Variants in IBTK observed in about 807,000 individuals in gnomAD.
The protein encoded by IBTK is BTK-binding protein.
Under a neutral mutation model 154.9 loss-of-function variants are expected in IBTK, and 83 were observed. The ratio of observed to expected loss-of-function variants is 0.54; its 90% CI spans 0.45 to 0.64. The LOEUF is 0.64. Ranked by LOEUF, IBTK falls within the 30% of genes least tolerant of loss-of-function variation. The probability of loss-of-function intolerance (pLI) is 0.00; values close to 1 mark genes in which losing one functional copy is unlikely to be tolerated. For synonymous variants in IBTK, 515 were observed against 536.1 expected, an observed-to-expected ratio of 0.96 and a Z score of 0.54; for missense variants, 1,332 against 1,584.6, an observed-to-expected ratio of 0.84 and a Z score of 2.71.
chr6:82,214,318 A>G lies in IBTK; in HGVS notation c.2113T>C (p.Cys705Arg). The G allele has an allele frequency of 1.2e-6, 2 of 1,613,926 alleles. No individual in the cohort carries two copies. Among genetic ancestry groups the G allele is most frequent in the Non-Finnish European group, 1.7e-6 (2 of 1,179,964 alleles). The change falls in exon 12 of 29, where the codon TGT becomes CGT. Residue 705 changes from cysteine (C) to arginine (R), a missense_variant. By Grantham distance (180) the Cys-to-Arg change is radical. Coordinates refer to ENST00000306270, the MANE Select transcript of IBTK (RefSeq NM_015525.4). ...TCCCTAATATTTTTTCCTTTTTTAC[A>G]AGATTTAGGTTTGCTCTTCTGCCTC... ...SERQKSKPKS[C>R]KKGKNIREDD...
At chr6:82,216,335 G>T in intron 10 of IBTK, 85 bp from the exon 11 acceptor site, 3 of 860,196 alleles carry the variant, frequency 3.5e-6, no homozygotes, top group Non-Finnish European at 5.3e-6. Flanking sequence ...TAGAAAAGGA[G>T]TTAGAAAAAT....
chr6:82,239,125 G>A (rs1322679890), intron 2 of IBTK, among the ~76,000 whole-genome samples: 4 of 151,938 alleles, frequency 2.6e-5, no homozygotes, highest in Non-Finnish European at 5.9e-5. Flanking sequence ...CCTAAATAAT[G>A]TTCAACAACT....
intron 16 of IBTK, among the ~76,000 whole-genome samples, chr6:82,206,430 A>C (rs1769415538): frequency 6.6e-6 from 1 of 152,206 alleles, no homozygotes; most frequent in African/African-American, 2.4e-5. Context: ...ATTAGTGATC[A>C]AAAAACTTCC....
chr6:82,201,479 A>C lies in IBTK; in HGVS notation c.2733T>G (p.Ser911=). The C allele has an allele frequency of 1.2e-6, 2 of 1,601,652 alleles. No individual in the cohort carries two copies. The highest frequency in any genetic ancestry group is 1.3e-5 in the African/African-American group (1 of 74,650). Residue 911 remains serine (S), a synonymous_variant, in exon 19 of 29, where the codon TCT becomes TCG. Coordinates refer to ENST00000306270, the MANE Select transcript of IBTK (RefSeq NM_015525.4). ...AAACACCATCGCTTAAAACATCAAGAGACCTAAAATATAGGATACAAAATT... is the reference window on the plus strand; with the variant it reads ...AAACACCATCGCTTAAAACATCAAGCGACCTAAAATATAGGATACAAAATT... ...LNMAALLEAR[S]LDVLSDGVLK...
rs140177088 is a variant in IBTK, at chr6:82,180,730, A to T, written c.3725+1149T>A. Among the ~76,000 whole-genome samples, 12 of 152,354 alleles carry T rather than the reference A, an allele frequency of 7.9e-5. No individual in the cohort carries two copies. The East Asian group carries it at 2.1e-3, about 27-fold the overall frequency. On this transcript the variant is annotated intron_variant, in intron 26 of 28. Transcript: ENST00000306270. Reference sequence around the variant, plus strand: ...GACAGTCACAATAGTAACAATAAAAATATGCCTAAACATTTAATCTAAATC... The same window carrying T: ...GACAGTCACAATAGTAACAATAAAATTATGCCTAAACATTTAATCTAAATC...
chr6:82,176,682 T>C (rs1490451983), intron 26 of IBTK, among the ~76,000 whole-genome samples: 1 of 152,142 alleles, frequency 6.6e-6, no homozygotes. Flanking sequence ...TTGCTCACTT[T>C]TAGATGTTAA....
At chr6:82,225,265 G>A (rs1328316267) in intron 6 of IBTK, among the ~76,000 whole-genome samples, 2 of 151,826 alleles carry the variant, frequency 1.3e-5, no homozygotes, top group East Asian at 3.9e-4. Context: ...AGCTGAGATC[G>A]CACCACTGCA....
At chr6:82,218,484 G>C (rs1393530073) in intron 9 of IBTK, among the ~76,000 whole-genome samples, 1 of 152,136 alleles carries the variant, frequency 6.6e-6, no homozygotes, top group Non-Finnish European at 1.5e-5. Flanking sequence ...TACAAGTCAG[G>C]CTTCTTGTAG....
Position 82,214,789 on chromosome 6 carries a change from C to G in IBTK, c.1642G>C (p.Glu548Gln). The change falls in exon 12 of 29, where the codon GAA (glutamate) becomes CAA (glutamine). Residue 548 changes from glutamate to glutamine, a missense_variant. Physicochemically the swap from Glu to Gln is conservative, Grantham distance 29 (BLOSUM62 2). Around this residue, in one of 3 missense-constraint regions of IBTK, gnomAD observed 1,134 missense variants for 1,274.7 expected, o/e 0.89. Coordinates refer to ENST00000306270, the MANE Select transcript of IBTK (RefSeq NM_015525.4). ...TCCCTCAACAGTTTGCCAAACTCTT[C>G]AAAAAAGGATGATGAGGACACAGCT... ...IPAVSSSSFFEEFGKLLREAD... is the reference protein window; with the variant it reads ...IPAVSSSSFFQEFGKLLREAD... The G allele has an allele frequency of 6.2e-7, 1 of 1,602,844 alleles. No homozygotes were observed. The highest frequency in any genetic ancestry group is 2.2e-5 in the East Asian group (1 of 44,792).
chr6:82,239,066 CGT>C (rs1332196133), intron 2 of IBTK, among the ~76,000 whole-genome samples: 1 of 151,896 alleles, frequency 6.6e-6, no homozygotes. Context: ...TTATAAACAC[CGT>C]ATGTTAACTA....
chr6:82,219,043 G>C (rs1769974345), intron 9 of IBTK, among the ~76,000 whole-genome samples: 1 of 151,776 alleles, frequency 6.6e-6, no homozygotes, highest in African/African-American at 2.4e-5. Flanking sequence ...TCAAATATAA[G>C]TTTTTATACT....
chr6:82,222,753 T>C (rs1040044611), intron 8 of IBTK, among the ~76,000 whole-genome samples: 1 of 152,096 alleles, frequency 6.6e-6, no homozygotes, highest in Non-Finnish European at 1.5e-5. Flanking sequence ...TTCCAGTTGG[T>C]GCACCCACCC....
intron 11 of IBTK, among the ~76,000 whole-genome samples, chr6:82,215,163 C>T (rs1213983773): frequency 6.6e-6 from 1 of 152,176 alleles, no homozygotes; most frequent in Non-Finnish European, 1.5e-5. Context: ...GGAAGACCAA[C>T]CCTCCTGTGG....
intron 16 of IBTK, among the ~76,000 whole-genome samples, chr6:82,206,867 T>C (rs1464173537): frequency 1.3e-5 from 2 of 152,084 alleles, no homozygotes; most frequent in East Asian, 3.9e-4. Flanking sequence ...GAAAAACATT[T>C]GACAAAAATC....
intron 12 of IBTK, among the ~76,000 whole-genome samples, chr6:82,213,390 G>A (rs778561424): frequency 4.6e-5 from 7 of 151,902 alleles, no homozygotes; most frequent in Non-Finnish European, 8.8e-5. Context: ...ACCCTACAAC[G>A]AAGGTTTAAC....
At chr6:82,191,392 C>T (rs1489414121) in intron 24 of IBTK, 176 bp from the exon 25 acceptor site, 2 of 608,156 alleles carry the variant, frequency 3.3e-6, no homozygotes, top group African/African-American at 3.7e-5. Flanking sequence ...GATCAAAATG[C>T]TCACAAGTTT....
intron 26 of IBTK, among the ~76,000 whole-genome samples, chr6:82,180,463 G>A (rs779863119): frequency 7.2e-5 from 11 of 152,094 alleles, no homozygotes; most frequent in Non-Finnish European, 1.2e-4. Context: ...ATGTTGCCAG[G>A]CTGGTCTTGA....
Position 82,224,122 on chromosome 6 carries a change from C to T in IBTK, c.889G>A (p.Val297Ile). ...TAAACAGCTTCTCTAGTCCATAGGA[C>T]TGTATGAAACCTGCCTGCTGCAACG... ...IGVAAGRFHTVLWTREAVYTM... is the reference protein window; with the variant it reads ...IGVAAGRFHTILWTREAVYTM... The change falls in exon 7 of 29, where the codon GTC becomes ATC. Residue 297 changes from valine (V) to isoleucine (I), a missense_variant. This residue lies in a region of IBTK where 1,134 missense variants were observed against 1,274.7 expected (regional missense o/e 0.89). Coordinates refer to ENST00000306270, the MANE Select transcript of IBTK (RefSeq NM_015525.4). 16 of 1,613,966 alleles carry T rather than the reference C, an allele frequency of 9.9e-6. No individual in the cohort carries two copies. The highest frequency in any genetic ancestry group is 1.4e-5 in the Non-Finnish European group (16 of 1,179,828).
chr6:82,214,869 T>C (rs1769811768), intron 11 of IBTK, 40 bp from the exon 12 acceptor site: 3 of 1,512,388 alleles, frequency 2.0e-6, no homozygotes, highest in Non-Finnish European at 2.7e-6. Context: ...TCAAAAAATA[T>C]GAAGGAAATC....
Sources: gnomAD v4.1 joint callset for allele counts (sites outside exome capture counted in the v4.1 genomes callset) on GRCh38, gnomAD v4.1.1 for gene constraint, gnomAD v4.1.1 regional missense constraint, MANE v1.5 for transcripts, NCBI Gene and HGNC (gene_info 2026-07-23, HGNC 2026-07-21) for gene names.